The following GALNTL6 variants were observed in gnomAD, a reference collection of about 807,000 sequenced individuals.
GALNTL6 encodes the protein polypeptide N-acetylgalactosaminyltransferase like 6.
GALNTL6 carries 46 observed loss-of-function variants against 73.7 expected under a neutral mutation model. The ratio of observed to expected loss-of-function variants is 0.62; its 90% confidence interval spans 0.49 to 0.80. GALNTL6 has a LOEUF of 0.80. GALNTL6 is among the 30% of genes least tolerant of loss of function. The pLI is 0.00. For missense variants in GALNTL6, 604 were observed against 755.0 expected (o/e 0.80, Z 2.34); for synonymous variants, 259 against 263.7 (o/e 0.98, Z 0.17).
intron 5 of GALNTL6, among the ~76,000 whole-genome samples, chr4:172,649,348 G>A (rs566495985): frequency 1.3e-5 from 2 of 152,276 alleles, no homozygotes; most frequent in South Asian, 4.1e-4. Flanking sequence ...TGAGTGTGCA[G>A]CTTCTCAGCT....
intron 2 of GALNTL6, among the ~76,000 whole-genome samples, chr4:171,834,511 G>A (rs1279311628): frequency 6.6e-6 from 1 of 151,918 alleles, no homozygotes; most frequent in East Asian, 1.9e-4. Context: ...CACTTCAAAT[G>A]CCTTTCTTTG....
intron 2 of GALNTL6, among the ~76,000 whole-genome samples, chr4:172,130,872 A>G (rs952119029): frequency 3.4e-4 from 52 of 152,120 alleles, no homozygotes; most frequent in African/African-American, 1.1e-3. Flanking sequence ...GAGATATTTC[A>G]TTACACATTG....
chr4:172,990,100 C>T (rs1751474107), intron 10 of GALNTL6, among the ~76,000 whole-genome samples: 1 of 152,150 alleles, frequency 6.6e-6, no homozygotes, highest in Admixed American at 6.6e-5. Context: ...CTTTTATTGG[C>T]TCTATAAGTC....
chr4:172,268,733 C>T (rs1024490307), intron 3 of GALNTL6, among the ~76,000 whole-genome samples: 1 of 152,056 alleles, frequency 6.6e-6, no homozygotes, highest in Non-Finnish European at 1.5e-5. Context: ...AGGGTGGGGC[C>T]TCATAATGGA....
chr4:172,287,700 A>G (rs1055503623), intron 3 of GALNTL6, among the ~76,000 whole-genome samples: 10 of 152,116 alleles, frequency 6.6e-5, no homozygotes, highest in African/African-American at 2.2e-4. Context: ...CCTAGTTATT[A>G]TCCTCCTTGT....
At chr4:172,934,560 T>C (rs911246287) in intron 9 of GALNTL6, among the ~76,000 whole-genome samples, 14 of 152,218 alleles carry the variant, frequency 9.2e-5, no homozygotes, top group African/African-American at 3.1e-4. Context: ...TTCAGCTTCA[T>C]CTGGGAATAA....
chr4:172,489,465 A>G (rs551304899), intron 5 of GALNTL6, among the ~76,000 whole-genome samples: 23 of 152,384 alleles, frequency 1.5e-4, no homozygotes, highest in South Asian at 2.1e-4. Flanking sequence ...TATAATAAAC[A>G]CATAGGTGAT....
rs772076289 is a variant in GALNTL6, at chr4:172,575,775, G to A, written c.553+227086G>A. ...CTATTACAGTTTTTTAAGTGTTAGT[G>A]TGTCTTGCCAGCTTACCTCTTAAAG... On this transcript the variant is annotated intron_variant, in intron 5 of 12. Transcript: ENST00000506823. Among the ~76,000 whole-genome samples the A allele has an allele frequency of 3.3e-5, 5 of 152,160 alleles. No individual in the cohort carries two copies. In the East Asian group the frequency reaches 5.8e-4, roughly 18 times the overall value.
rs141747472 is a variant in GALNTL6, at chr4:172,482,154, C to T, written c.553+133465C>T. Among the ~76,000 whole-genome samples the T allele has an allele frequency of 7.2e-4, 109 of 152,256 alleles. 2 individuals carry two copies. In the East Asian group the frequency reaches 0.019, roughly 27 times the overall value. On this transcript the variant is annotated intron_variant, in intron 5 of 12. Transcript: ENST00000506823. ...ACTGCCCAGGGCCGGTGGCGCCGGC[C>T]AGCCACTCAGAGGGCAGGACCTGCC...
In GALNTL6 at chr4:172,513,769, G is replaced by C. The variant is rs114653091; in HGVS notation, c.553+165080G>C. Among the ~76,000 whole-genome samples the C allele has an allele frequency of 2.0e-5, 3 of 152,168 alleles. No individual in the cohort carries two copies. In the East Asian group the frequency reaches 5.8e-4, roughly 29 times the overall value. ...AGAGCCCCATGAGGTTATCATCCTCGGGTCTCTCAGCTGTGGATACCAGCA... is the reference window on the plus strand; with the variant it reads ...AGAGCCCCATGAGGTTATCATCCTCCGGTCTCTCAGCTGTGGATACCAGCA... On this transcript the variant is annotated intron_variant, in intron 5 of 12. Coordinates refer to ENST00000506823, the MANE Select transcript of GALNTL6 (RefSeq NM_001034845.3).
intron 2 of GALNTL6, among the ~76,000 whole-genome samples, chr4:171,895,837 G>A (rs1477016506): frequency 6.6e-6 from 1 of 151,684 alleles, no homozygotes; most frequent in African/African-American, 2.4e-5. Context: ...ATGAAAGATG[G>A]GAAATATGAG....
At chr4:172,566,830 G>A (rs1003503526) in intron 5 of GALNTL6, among the ~76,000 whole-genome samples, 1 of 151,952 alleles carries the variant, frequency 6.6e-6, no homozygotes, top group Admixed American at 6.6e-5. Context: ...GACATTGGAG[G>A]TACTGCAACT....
chr4:172,540,638 A>G (rs1318548857), intron 5 of GALNTL6, among the ~76,000 whole-genome samples: 2 of 152,158 alleles, frequency 1.3e-5, no homozygotes, highest in Non-Finnish European at 2.9e-5. Context: ...ACATAAATCG[A>G]TACATGGAAG....
intron 2 of GALNTL6, among the ~76,000 whole-genome samples, chr4:171,876,009 T>G (rs1736265768): frequency 6.6e-6 from 1 of 152,156 alleles, no homozygotes; most frequent in Non-Finnish European, 1.5e-5. Flanking sequence ...TTAGTTATTT[T>G]AATAGGAAAA....
intron 2 of GALNTL6, among the ~76,000 whole-genome samples, chr4:172,029,454 A>G (rs1043950206): frequency 6.6e-6 from 1 of 152,042 alleles, no homozygotes. Context: ...ACTGATCTAT[A>G]TGGTCTTGTA....
At chr4:171,933,543 C>A (rs1228092884) in intron 2 of GALNTL6, among the ~76,000 whole-genome samples, 1 of 151,962 alleles carries the variant, frequency 6.6e-6, no homozygotes, top group East Asian at 1.9e-4. Flanking sequence ...CAAATATTAA[C>A]TTTAGGCACT....
intron 2 of GALNTL6, among the ~76,000 whole-genome samples, chr4:171,904,187 A>T (rs1347484234): frequency 1.3e-5 from 2 of 152,222 alleles, no homozygotes; most frequent in South Asian, 4.1e-4. Flanking sequence ...CAGACGATCA[A>T]ATTACTCCAA....
At chr4:172,464,971 G>A (rs984855384) in intron 5 of GALNTL6, among the ~76,000 whole-genome samples, 1 of 152,048 alleles carries the variant, frequency 6.6e-6, no homozygotes, top group East Asian at 1.9e-4. Flanking sequence ...ACCCAAGGAG[G>A]CATAGACTTG....
chr4:171,820,706 G>A (rs556143669), intron 2 of GALNTL6, among the ~76,000 whole-genome samples: 58 of 152,254 alleles, frequency 3.8e-4, no homozygotes, highest in Non-Finnish European at 7.2e-4. Context: ...AACTCACAAT[G>A]AGGATTTAGT....
Sources: allele counts gnomAD v4.1 joint callset (sites outside exome capture counted in the v4.1 genomes callset), GRCh38; gene constraint gnomAD v4.1.1; transcripts MANE v1.5; gene names NCBI Gene and HGNC (gene_info 2026-07-23, HGNC 2026-07-21).